The following NKAIN3 variants were observed in gnomAD, a reference collection of about 807,000 sequenced individuals.
NKAIN3 encodes sodium/potassium transporting ATPase interacting 3, also known as sodium/potassium-transporting ATPase subunit beta-1-interacting protein 3.
In NKAIN3, 25 loss-of-function variants were observed where a neutral mutation model predicts 30.2. The ratio of observed to expected loss-of-function variants is 0.83; its 90% CI spans 0.60 to 1.16. The LOEUF is 1.16. Ranked by LOEUF, NKAIN3 falls within the 50% of genes most tolerant of loss-of-function variation. The pLI, the probability that NKAIN3 is intolerant of heterozygous loss-of-function variation, is 0.00. For synonymous variants in NKAIN3, 91 were observed against 89.6 expected, an observed-to-expected ratio of 1.02 and a Z score of -0.09; for missense variants, 225 against 254.1, an observed-to-expected ratio of 0.89 and a Z score of 0.78.
intron 3 of NKAIN3, among the ~76,000 whole-genome samples, chr8:62,591,792 C>T (rs1446292139): frequency 1.3e-5 from 2 of 151,998 alleles, no homozygotes; most frequent in Non-Finnish European, 2.9e-5. Context: ...GGTAACATCT[C>T]CCTTGTTAGT....
chr8:62,729,039 A>AAAAAAAAAAAAAAAAAC (rs200466973), intron 3 of NKAIN3, among the ~76,000 whole-genome samples: 5 of 96,922 alleles, frequency 5.2e-5, no homozygotes, highest in African/African-American at 1.6e-4. Flanking sequence ...AAAAAAAAAA[A>AAAAAAAAAAAAAAAAAC]CAAAAAAAAA....
At chr8:62,390,106 G>A (rs1449356292) in intron 1 of NKAIN3, among the ~76,000 whole-genome samples, 3 of 152,080 alleles carry the variant, frequency 2.0e-5, no homozygotes, top group African/African-American at 7.2e-5. Flanking sequence ...AGGTAAACTT[G>A]TGTCATGGGG....
At chr8:62,892,626 G>A (rs1288545481) in intron 4 of NKAIN3, among the ~76,000 whole-genome samples, 1 of 152,032 alleles carries the variant, frequency 6.6e-6, no homozygotes, top group Non-Finnish European at 1.5e-5. Context: ...TGAAGAACAG[G>A]AACTCTTAAA....
intron 1 of NKAIN3, among the ~76,000 whole-genome samples, chr8:62,506,312 A>G (rs1807636634): frequency 6.6e-6 from 1 of 151,458 alleles, no homozygotes; most frequent in African/African-American, 2.4e-5. Flanking sequence ...CCAAAGTGCC[A>G]TTTCAAAGAA....
intron 1 of NKAIN3, among the ~76,000 whole-genome samples, chr8:62,504,120 A>G (rs1251158874): frequency 6.6e-6 from 1 of 152,192 alleles, no homozygotes; most frequent in African/African-American, 2.4e-5. Flanking sequence ...AGGAGTGTGA[A>G]CTGTATTGTG....
intron 3 of NKAIN3, among the ~76,000 whole-genome samples, chr8:62,664,896 T>C (rs968579814): frequency 6.6e-6 from 1 of 152,230 alleles, no homozygotes; most frequent in African/African-American, 2.4e-5. Context: ...TTTTCTCATC[T>C]CTAAATATCC....
At chr8:62,824,990 A>G (rs1818974582) in intron 4 of NKAIN3, among the ~76,000 whole-genome samples, 1 of 152,196 alleles carries the variant, frequency 6.6e-6, no homozygotes, top group South Asian at 2.1e-4. Context: ...GATGATCTTG[A>G]CCAAGCATGT....
intron 3 of NKAIN3, among the ~76,000 whole-genome samples, chr8:62,738,868 ATGCCCTCC>A (rs1815765890): frequency 6.6e-6 from 1 of 152,068 alleles, no homozygotes; most frequent in Non-Finnish European, 1.5e-5. Flanking sequence ...GGCTTTTGAA[ATGCCCTCC>A]AATGATAGAC....
chr8:62,565,348 A>G (rs1212715212), intron 1 of NKAIN3, among the ~76,000 whole-genome samples: 1 of 143,202 alleles, frequency 7.0e-6, no homozygotes, highest in African/African-American at 2.5e-5. Context: ...ATATGTATAC[A>G]TGGGCATACG....
chr8:62,716,729 T>G (rs1814915606), intron 3 of NKAIN3, among the ~76,000 whole-genome samples: 1 of 151,188 alleles, frequency 6.6e-6, no homozygotes, highest in Admixed American at 6.6e-5. Context: ...ACCTGGAAAC[T>G]GGAATTCTGA....
intron 4 of NKAIN3, chr8:62,856,504 C>A (rs1021111799): frequency 7.7e-6 from 6 of 783,922 alleles, no homozygotes; most frequent in African/African-American, 1.7e-5. Flanking sequence ...AAGGAAGATA[C>A]CTGTATCTCA....
chr8:62,625,307 G>A (rs1033680814), intron 3 of NKAIN3, among the ~76,000 whole-genome samples: 3 of 152,026 alleles, frequency 2.0e-5, no homozygotes, highest in Non-Finnish European at 4.4e-5. Context: ...TCATTTAATT[G>A]TTAGAACAGT....
At chr8:62,900,441 G>T (rs1222576815) in intron 4 of NKAIN3, among the ~76,000 whole-genome samples, 1 of 152,200 alleles carries the variant, frequency 6.6e-6, no homozygotes, top group Non-Finnish European at 1.5e-5. Context: ...GATTGTGAAA[G>T]GAGAACTGCA....
At chr8:62,288,842 G>C (rs1190814615) in intron 1 of NKAIN3, among the ~76,000 whole-genome samples, 1 of 152,162 alleles carries the variant, frequency 6.6e-6, no homozygotes, top group Non-Finnish European at 1.5e-5. Flanking sequence ...GGTTGAACTA[G>C]TTTACAGTCC....
intron 1 of NKAIN3, among the ~76,000 whole-genome samples, chr8:62,452,160 G>T (rs1304856901): frequency 6.6e-6 from 1 of 152,116 alleles, no homozygotes; most frequent in East Asian, 1.9e-4. Context: ...TAAACCAAAA[G>T]TGTCCAAGTT....
chr8:62,294,045 G>T (rs1381181051), intron 1 of NKAIN3, among the ~76,000 whole-genome samples: 1 of 152,206 alleles, frequency 6.6e-6, no homozygotes, highest in Non-Finnish European at 1.5e-5. Flanking sequence ...TCAGGCACGG[G>T]ATGCAATCTC....
chr8:62,367,678 C>G (rs529876039), intron 1 of NKAIN3, among the ~76,000 whole-genome samples: 5 of 152,030 alleles, frequency 3.3e-5, no homozygotes, highest in Non-Finnish European at 7.4e-5. Context: ...AATTTATGCA[C>G]AAAGCAAGGA....
intron 4 of NKAIN3, among the ~76,000 whole-genome samples, chr8:62,848,574 G>T (rs1182268758): frequency 6.6e-6 from 1 of 152,110 alleles, no homozygotes; most frequent in Admixed American, 6.6e-5. Flanking sequence ...TCTTGGCCGA[G>T]ACGATGGGAT....
chr8:62,800,612 C>T (rs746607446), intron 4 of NKAIN3, among the ~76,000 whole-genome samples: 3 of 152,116 alleles, frequency 2.0e-5, no homozygotes, highest in Non-Finnish European at 4.4e-5. Flanking sequence ...CCATGTTTTT[C>T]TTTAAAAACA....
Sources: allele counts gnomAD v4.1 joint callset (sites outside exome capture counted in the v4.1 genomes callset), GRCh38; gene constraint gnomAD v4.1.1; transcripts MANE v1.5; gene names NCBI Gene and HGNC (gene_info 2026-07-23, HGNC 2026-07-21).